The following AP3M2 variants were observed in gnomAD, a reference collection of about 807,000 sequenced individuals.
AP3M2 encodes the protein AP-3 complex subunit mu-2.
In AP3M2, 28 loss-of-function variants were observed where a neutral mutation model predicts 41.6. The ratio of observed to expected loss-of-function variants is 0.67; its 90% CI spans 0.50 to 0.92. The LOEUF (loss-of-function observed/expected upper bound fraction) is 0.92. Ranked by LOEUF, AP3M2 falls within the 40% of genes least tolerant of loss-of-function variation. AP3M2 has a pLI of 0.00. For missense variants in AP3M2, 427 were observed against 521.4 expected (o/e 0.82, Z 1.76); for synonymous variants, 193 against 186.4 (o/e 1.04, Z -0.29).
chr8:42,155,324 G>A (rs1040029315), intron 2 of AP3M2, among the ~76,000 whole-genome samples: 1 of 152,182 alleles, frequency 6.6e-6, no homozygotes, highest in African/African-American at 2.4e-5. Context: ...ATCAGAAAGT[G>A]ATTGTATAAA....
At chr8:42,157,493 T>G (rs1026771946) in intron 2 of AP3M2, among the ~76,000 whole-genome samples, 4 of 152,228 alleles carry the variant, frequency 2.6e-5, no homozygotes, top group African/African-American at 9.6e-5. Context: ...CCCCTTCATT[T>G]CATTTTTTTC....
chr8:42,157,133 T>A (rs1309155357), intron 2 of AP3M2, among the ~76,000 whole-genome samples: 2 of 152,204 alleles, frequency 1.3e-5, no homozygotes, highest in African/African-American at 4.8e-5. Context: ...CCACAAACAT[T>A]TCTTGCTAAA....
chr8:42,167,228 C>A lies in AP3M2; in HGVS notation c.868C>A (p.Arg290Ser), dbSNP rs140472316. 998 of 1,614,016 alleles carry A rather than the reference C, an allele frequency of 6.2e-4. No individual in the cohort carries two copies. Among genetic ancestry groups the A allele is most frequent in the Non-Finnish European group, 7.9e-4 (938 of 1,180,004 alleles). ...ISFRDSSSLG[R>S]FEITVGPKQT... is the part of the protein sequence containing the mutation. ...TTTCCGGGACAGTAGTTCCCTTGGA[C>A]GCTTTGAAATAACGGTGGGACCCAA... Residue 290 changes from arginine to serine, a missense_variant, in exon 7 of 9, where the codon CGC (arginine) becomes AGC (serine). Transcript: ENST00000396926.
intron 2 of AP3M2, 35 bp from the exon 3 acceptor site, chr8:42,157,906 C>G: frequency 6.3e-7 from 1 of 1,579,492 alleles, no homozygotes; most frequent in Non-Finnish European, 8.7e-7. Flanking sequence ...TTTACAGTAT[C>G]TGAGTGATCA....
intron 3 of AP3M2, 152 bp from the exon 4 acceptor site, chr8:42,162,129 C>A: frequency 3.2e-6 from 2 of 623,616 alleles, no homozygotes; most frequent in South Asian, 3.1e-5. Context: ...ACTAGGTTAC[C>A]CCATATAGAA....
intron 3 of AP3M2, among the ~76,000 whole-genome samples, chr8:42,160,065 C>T (rs566660584): frequency 9.2e-5 from 14 of 152,208 alleles, no homozygotes; most frequent in Non-Finnish European, 1.8e-4. Flanking sequence ...ATCCCAAATC[C>T]AAAATCCAGA....
At chr8:42,156,023 C>A (rs759012235) in intron 2 of AP3M2, 11 of 438,122 alleles carry the variant, frequency 2.5e-5, no homozygotes, top group South Asian at 1.7e-4. Flanking sequence ...ATACCGGCCC[C>A]TTTGCACAGT....
intron 6 of AP3M2, among the ~76,000 whole-genome samples, chr8:42,166,703 G>A (rs1804647930): frequency 6.6e-6 from 1 of 151,700 alleles, no homozygotes; most frequent in Non-Finnish European, 1.5e-5. Flanking sequence ...GTATGTCGAG[G>A]CTGCAGTGAG....
chr8:42,159,952 G>A (rs1804465865), intron 3 of AP3M2, among the ~76,000 whole-genome samples: 1 of 152,138 alleles, frequency 6.6e-6, no homozygotes, highest in African/African-American at 2.4e-5. Context: ...TATTCATACA[G>A]TAGACATCCT....
chr8:42,162,413 A>T lies in AP3M2; in HGVS notation c.578A>T (p.Lys193Ile), dbSNP rs200841873. 2 of 1,604,832 alleles carry T rather than the reference A, an allele frequency of 1.2e-6. No homozygotes were observed. Among genetic ancestry groups the T allele is most frequent in the East Asian group, 2.2e-5 (1 of 44,522 alleles). Residue 193 changes from lysine to isoleucine, a missense_variant, in exon 4 of 9, where the codon AAA (lysine) becomes ATA (isoleucine). Coordinates refer to ENST00000396926, the MANE Select transcript of AP3M2 (RefSeq NM_006803.4). ...VIEEIDAIID[K>I]SGSTITAEIQ... Reference sequence around the variant, plus strand: ...GAAGAGATTGATGCAATTATTGATAAATCAGGTAGGTGCTTTTAATATGTT... The same window carrying T: ...GAAGAGATTGATGCAATTATTGATATATCAGGTAGGTGCTTTTAATATGTT...
At chr8:42,155,847 A>G (rs1804339592) in intron 2 of AP3M2, 1 of 376,336 alleles carries the variant, frequency 2.7e-6, no homozygotes, top group Non-Finnish European at 5.3e-6. Flanking sequence ...GGACCCACAC[A>G]CTATGATAAA....
At chr8:42,168,896 AGTTAGGCGACCT>A in intron 8 of AP3M2, 53 bp from the exon 9 acceptor site, 6 of 1,268,854 alleles carry the variant, frequency 4.7e-6, no homozygotes, top group Non-Finnish European at 6.6e-6. Context: ...GAACAGAAAC[AGTTAGGCGACCT>A]GCTCCTTTTG....
At chr8:42,158,334 C>T (rs927528933) in intron 3 of AP3M2, among the ~76,000 whole-genome samples, 4 of 151,164 alleles carry the variant, frequency 2.6e-5, no homozygotes, top group Non-Finnish European at 4.4e-5. Context: ...CTGCAACCTC[C>T]GCCTCCTGGG....
At chr8:42,165,785 A>C in intron 6 of AP3M2, 1 of 493,990 alleles carries the variant, frequency 2.0e-6, no homozygotes, top group Non-Finnish European at 3.6e-6. Context: ...AGATTGAATA[A>C]GAGAATCTGA....
At chr8:42,165,768 G>T (rs1288222879) in intron 6 of AP3M2, 9 of 519,850 alleles carry the variant, frequency 1.7e-5, no homozygotes, top group Non-Finnish European at 3.0e-5. Context: ...AAAGTGCCTT[G>T]TTCTGAAGAT....
At chr8:42,167,445 T>A (rs1296122084) in intron 7 of AP3M2, 74 bp downstream of exon 7, 1 of 1,543,194 alleles carries the variant, frequency 6.5e-7, no homozygotes, top group African/African-American at 1.4e-5. Context: ...GTGTAGACTC[T>A]AGACCTTGTT....
Position 42,154,711 on chromosome 8 carries a change from C to G in AP3M2, c.24C>G (p.Ile8Met), listed in dbSNP as rs200178239. The change falls in exon 2 of 9, where the codon ATC (isoleucine) becomes ATG (methionine). Residue 8 changes from isoleucine (I) to methionine (M), a missense_variant. By Grantham distance (10) the Ile-to-Met change is conservative. Around this residue, in one of 3 missense-constraint regions of AP3M2, gnomAD observed 104 missense variants for 93.8 expected, o/e 1.11. Coordinates refer to ENST00000396926, the MANE Select transcript of AP3M2 (RefSeq NM_006803.4). MIHSLFL[I>M]NSSGDIFLEK... is the part of the protein sequence containing the mutation. ...CCATGATCCATAGTCTTTTCTTGAT[C>G]AACTCCTCTGGAGACATTTTCCTGG... 278 of 1,613,998 alleles carry G rather than the reference C, an allele frequency of 1.7e-4. No homozygotes were observed. The highest frequency in any genetic ancestry group is 2.3e-4 in the Non-Finnish European group (273 of 1,180,012).
chr8:42,158,517 G>A (rs1463312201), intron 3 of AP3M2, among the ~76,000 whole-genome samples: 1 of 152,082 alleles, frequency 6.6e-6, no homozygotes, highest in East Asian at 1.9e-4. Context: ...CCAAAGTGCT[G>A]GGATTACAGG....
Position 42,165,512 on chromosome 8 carries a change from C to T in AP3M2, c.755C>T (p.Pro252Leu). The T allele has an allele frequency of 6.2e-7, 1 of 1,614,176 alleles. No individual in the cohort carries two copies. The highest frequency in any genetic ancestry group is 8.5e-7 in the Non-Finnish European group (1 of 1,180,020). ...TCTGAGCGCATCCTCTCCTTCATCC[C>T]TCCTGATGGAAACTTCCGCCTGCTG... ...WESERILSFI[P>L]PDGNFRLLSY... The change falls in exon 6 of 9, where the codon CCT becomes CTT. Residue 252 changes from proline to leucine, a missense_variant. Pro to Leu is a moderately conservative substitution (Grantham distance 98). Transcript: ENST00000396926.
Sources: allele counts gnomAD v4.1 joint callset (sites outside exome capture counted in the v4.1 genomes callset), GRCh38; gene constraint gnomAD v4.1.1; regional missense constraint gnomAD v4.1.1; transcripts MANE v1.5; gene names NCBI Gene and HGNC (gene_info 2026-07-23, HGNC 2026-07-21).